SLC1A1: variants seen among roughly 807,000 people sequenced by gnomAD.
SLC1A1 encodes the protein excitatory amino acid transporter 3.
Under a neutral mutation model 53.3 loss-of-function variants are expected in SLC1A1, and 43 were observed. The ratio of observed to expected loss-of-function variants is 0.81; its 90% CI spans 0.63 to 1.04. The LOEUF (loss-of-function observed/expected upper bound fraction) is 1.04, where lower values mean the gene tolerates loss of function less well. Among genes scored for constraint, SLC1A1 ranks in the 50% least tolerant of loss-of-function variants. SLC1A1 has a pLI of 0.00. For synonymous variants in SLC1A1, 307 were observed against 243.2 expected (o/e 1.26, Z -2.44); for missense variants, 748 against 664.9 (o/e 1.12, Z -1.37).
At chr9:4,493,291 G>C (rs1376982370) in intron 1 of SLC1A1, among the ~76,000 whole-genome samples, 1 of 152,120 alleles carries the variant, frequency 6.6e-6, no homozygotes, top group Non-Finnish European at 1.5e-5. Flanking sequence ...TCCTTTTCTT[G>C]TCCTTTTTCT....
At chr9:4,561,140 G>A (rs2129666231) in intron 2 of SLC1A1, among the ~76,000 whole-genome samples, 1 of 152,314 alleles carries the variant, frequency 6.6e-6, no homozygotes, top group Admixed American at 6.5e-5. Context: ...AGTTCTTAGT[G>A]CAAATGTGGG....
chr9:4,542,439 A>C (rs1480847204), intron 1 of SLC1A1, among the ~76,000 whole-genome samples: 1 of 152,178 alleles, frequency 6.6e-6, no homozygotes, highest in Non-Finnish European at 1.5e-5. Context: ...TTAATTTAGC[A>C]TAGAGATAAT....
intron 1 of SLC1A1, among the ~76,000 whole-genome samples, chr9:4,521,877 G>C (rs1816086463): frequency 5.3e-5 from 8 of 152,062 alleles, no homozygotes; most frequent in Admixed American, 5.2e-4. Context: ...TTTGCATGTT[G>C]ATTGAACCAT....
At position 4,585,480 on chromosome 9, in the gene SLC1A1, C is replaced by G. The variant is rs575694702; in HGVS notation, c.1497C>G (p.Thr499=). Residue 499 remains threonine (T), a synonymous_variant, in exon 12 of 12, where the codon ACC becomes ACG. Coordinates refer to ENST00000262352, the MANE Select transcript of SLC1A1 (RefSeq NM_004170.6). The stretch of plus-strand genomic sequence containing the variant: ...TCCTTGACAACGAAGACTCAGACAC[C>G]AAGAAGTCTTATGTCAATGGAGGCT... ...STILDNEDSD[T]KKSYVNGGFA... The G allele has an allele frequency of 5.5e-5, 88 of 1,614,174 alleles. 4 individuals are homozygous for G. In the South Asian group the frequency reaches 9.0e-4, roughly 17 times the overall value.
At position 4,576,020 on chromosome 9, in the gene SLC1A1, G is replaced by T; in HGVS notation, c.895G>T (p.Val299Leu). The change falls in exon 9 of 12, where the codon GTA becomes TTA. Residue 299 changes from valine to leucine, a missense_variant. Physicochemically the swap from Val to Leu is conservative, Grantham distance 32. Coordinates refer to ENST00000262352, the MANE Select transcript of SLC1A1 (RefSeq NM_004170.6). Reference sequence around the variant, plus strand: ...TTACAGGCTTGCAATCCACTCCATTGTAATTCTCCCGCTGATATATTTCAT... The same window carrying T: ...TTACAGGCTTGCAATCCACTCCATTTTAATTCTCCCGCTGATATATTTCAT... ...VLTGLAIHSI[V>L]ILPLIYFIVV... The T allele has an allele frequency of 6.2e-7, 1 of 1,614,104 alleles. No homozygotes were observed.
intron 1 of SLC1A1, among the ~76,000 whole-genome samples, chr9:4,531,272 G>A (rs1336450415): frequency 6.6e-6 from 1 of 152,224 alleles, no homozygotes; most frequent in East Asian, 1.9e-4. Flanking sequence ...GCCTCACCCG[G>A]GAAGCACAAG....
At chr9:4,533,836 G>T (rs1413904097) in intron 1 of SLC1A1, among the ~76,000 whole-genome samples, 2 of 152,118 alleles carry the variant, frequency 1.3e-5, no homozygotes, top group African/African-American at 4.8e-5. Context: ...AAATGTAAAA[G>T]AACAGAAATT....
chr9:4,507,502 A>G (rs1820845054), intron 1 of SLC1A1, among the ~76,000 whole-genome samples: 1 of 152,220 alleles, frequency 6.6e-6, no homozygotes, highest in Non-Finnish European at 1.5e-5. Context: ...GTCTTAACTC[A>G]CTTAAAGATA....
At chr9:4,521,806 G>A (rs1250142268) in intron 1 of SLC1A1, among the ~76,000 whole-genome samples, 2 of 150,758 alleles carry the variant, frequency 1.3e-5, no homozygotes, top group Non-Finnish European at 2.9e-5. Flanking sequence ...CTAAGTGGGA[G>A]AGAAAGTCAG....
intron 7 of SLC1A1, among the ~76,000 whole-genome samples, 191 bp downstream of exon 7, chr9:4,572,579 C>T (rs967789645): frequency 6.6e-6 from 1 of 152,206 alleles, no homozygotes; most frequent in African/African-American, 2.4e-5. Context: ...CAGAGTCTCA[C>T]TCTGTCACCC....
At chr9:4,576,377 C>T (rs1037489477) in intron 9 of SLC1A1, among the ~76,000 whole-genome samples, 192 bp from the exon 10 acceptor site, 1 of 152,232 alleles carries the variant, frequency 6.6e-6, no homozygotes. Flanking sequence ...CCTTCTGATT[C>T]CTGGACCTGC....
At chr9:4,560,996 A>AAAACAAAC (rs139529479) in intron 2 of SLC1A1, among the ~76,000 whole-genome samples, 5 of 151,694 alleles carry the variant, frequency 3.3e-5, no homozygotes, top group African/African-American at 1.2e-4. Context: ...ACTCTGTCTC[A>AAAACAAAC]AAACAAACAA....
Position 4,497,794 on chromosome 9 carries a change from C to T in SLC1A1, c.91+7024C>T, listed in dbSNP as rs78906309. ...TGAGGCCATAAAGTAATGAGACTGA[C>T]TCTTAACTGTTTTTTTAATTTTTAA... On this transcript the variant is annotated intron_variant, in intron 1 of 11. Coordinates refer to ENST00000262352, the MANE Select transcript of SLC1A1 (RefSeq NM_004170.6). 3.3e-3 allele frequency among the ~76,000 whole-genome samples: 495 copies of T among 152,262 alleles called. 6 individuals carry two copies. The highest frequency in any genetic ancestry group is 0.032 in the East Asian group (166 of 5,186).
At chr9:4,518,955 T>A (rs1485760956) in intron 1 of SLC1A1, among the ~76,000 whole-genome samples, 1 of 152,200 alleles carries the variant, frequency 6.6e-6, no homozygotes, top group Non-Finnish European at 1.5e-5. Context: ...AAATAAATGA[T>A]GAGTGGTTTG....
At chr9:4,561,328 C>T (rs919305236) in intron 2 of SLC1A1, 121 bp from the exon 3 acceptor site, 6 of 760,910 alleles carry the variant, frequency 7.9e-6, no homozygotes, top group Admixed American at 6.9e-5. Context: ...CATGTTATTG[C>T]CCATTGTCTG....
rs1297661159 is a variant in SLC1A1 at position 4,573,906 on chromosome 9, G to A, written c.768-1G>A. Reference sequence around the variant, plus strand: ...ACGCCTCTGTTGTGCTTCCTTTCCAGTTATATGCCACTAGGTATTTTGTTC... The same window carrying A: ...ACGCCTCTGTTGTGCTTCCTTTCCAATTATATGCCACTAGGTATTTTGTTC... On this transcript the variant is annotated splice_acceptor_variant, in intron 7 of 11. Coordinates refer to ENST00000262352, the MANE Select transcript of SLC1A1 (RefSeq NM_004170.6). LOFTEE classifies it high-confidence loss of function. 1 of 1,600,188 alleles carries A rather than the reference G, an allele frequency of 6.2e-7. No individual in the cohort carries two copies. Among genetic ancestry groups the A allele is most frequent in the South Asian group, 1.1e-5 (1 of 90,826 alleles).
intron 1 of SLC1A1, among the ~76,000 whole-genome samples, chr9:4,510,649 A>G (rs1820970828): frequency 6.6e-6 from 1 of 152,204 alleles, no homozygotes; most frequent in Non-Finnish European, 1.5e-5. Flanking sequence ...TACAGCTGCC[A>G]GCACAGGTCA....
Position 4,556,232 on chromosome 9 carries a change from C to G in SLC1A1, c.233-5217C>G, listed in dbSNP as rs1184090312. 1.3e-5 allele frequency among the ~76,000 whole-genome samples: 2 copies of G among 152,088 alleles called. No individual in the cohort carries two copies. The highest frequency in any genetic ancestry group is 2.9e-5 in the Non-Finnish European group (2 of 67,994). On this transcript the variant is annotated intron_variant, in intron 2 of 11. Coordinates refer to ENST00000262352, the MANE Select transcript of SLC1A1 (RefSeq NM_004170.6). This position sits in a 1 kb window ranked among gnomAD's most constrained non-coding sequence, Gnocchi z 4.1. ...ATGGGGTTTCACCATGTTGGCCAGG[C>G]TGGTCTCAAACTCCTGACCTCAGGT...
intron 1 of SLC1A1, among the ~76,000 whole-genome samples, chr9:4,494,304 TTACTTC>T (rs1820336522): frequency 7.2e-6 from 1 of 138,608 alleles, no homozygotes; most frequent in Non-Finnish European, 1.6e-5. Context: ...ATATTACTTA[TTACTTC>T]GTTTGTTATT....
Sources: gnomAD v4.1 joint callset for allele counts (sites outside exome capture counted in the v4.1 genomes callset) on GRCh38, gnomAD v4.1.1 for gene constraint, Gnocchi (gnomAD v3.1) non-coding constraint, MANE v1.5 for transcripts, NCBI Gene and HGNC (gene_info 2026-07-23, HGNC 2026-07-21) for gene names.